The following PRKCB variants were observed in gnomAD, a reference collection of about 807,000 sequenced individuals.
PRKCB encodes the protein protein kinase C beta.
In PRKCB, 13 loss-of-function variants were observed where a neutral mutation model predicts 81.5. That is an observed-to-expected ratio of 0.16 (90% CI 0.10 to 0.25). The LOEUF (loss-of-function observed/expected upper bound fraction) is 0.25, where lower values mean the gene tolerates loss of function less well. PRKCB is among the 10% of genes least tolerant of loss of function. The pLI, the probability that PRKCB is intolerant of heterozygous loss-of-function variation, is 1.00. For missense variants in PRKCB, 509 were observed against 875.7 expected (o/e 0.58, Z 5.29); for synonymous variants, 335 against 321.4 (o/e 1.04, Z -0.45).
intron 2 of PRKCB, among the ~76,000 whole-genome samples, chr16:23,869,938 C>T (rs1597218540): frequency 6.6e-6 from 1 of 151,542 alleles, no homozygotes; most frequent in African/African-American, 2.4e-5. Context: ...AGGAGAATCG[C>T]TTAAACCTGG....
rs1377838409 is a variant in PRKCB, at chr16:24,217,274, G to T, written c.*2458G>T. On this transcript the variant is annotated 3_prime_UTR_variant, in exon 17 of 17. Transcript: ENST00000643927. ...ATAGTTTGCAGAAATAGATACTCAA[G>T]CCAAAGTCTGTTTTAGAGAAACTTT... is the stretch of plus-strand genomic sequence containing the variant. The T allele has an allele frequency of 5.1e-6, 5 of 985,262 alleles. No individual in the cohort carries two copies. In the South Asian group the frequency reaches 2.3e-4, roughly 46 times the overall value. The allele number at this position is 985,262 out of a possible 1,614,324, so 61.0% of individuals were successfully genotyped here. A position where few individuals can be genotyped will look rare whatever the true frequency, so the allele number is the denominator to read the frequency against.
chr16:23,954,235 C>T (rs539567684), intron 2 of PRKCB, among the ~76,000 whole-genome samples: 1 of 152,044 alleles, frequency 6.6e-6, no homozygotes, highest in Admixed American at 6.5e-5. Context: ...AGGCATGAGA[C>T]ACCACGCCTG....
intron 6 of PRKCB, among the ~76,000 whole-genome samples, chr16:24,093,158 T>C (rs550961132): frequency 6.6e-4 from 100 of 152,200 alleles, no homozygotes; most frequent in Admixed American, 2.7e-3. Context: ...TTAGAGCTAT[T>C]TTTTTAATAG....
chr16:24,079,760 C>T (rs1193719385), intron 5 of PRKCB, among the ~76,000 whole-genome samples: 1 of 152,132 alleles, frequency 6.6e-6, no homozygotes, highest in African/African-American at 2.4e-5. Flanking sequence ...TTGGTACTTT[C>T]AGAACAATGT....
At chr16:23,977,539 A>G (rs1964641487) in intron 2 of PRKCB, among the ~76,000 whole-genome samples, 1 of 152,150 alleles carries the variant, frequency 6.6e-6, no homozygotes, top group South Asian at 2.1e-4. Flanking sequence ...GATCTAGATA[A>G]AAAAAGAAAA....
intron 2 of PRKCB, among the ~76,000 whole-genome samples, chr16:23,982,113 T>TTTCCCTTCCTC (rs1567333953): frequency 6.0e-5 from 2 of 33,470 alleles, no homozygotes; most frequent in African/African-American, 1.4e-4. Flanking sequence ...TTCCCTTCCC[T>TTTCCCTTCCTC]TTCCCTTCCC....
rs1052187985 is a variant in PRKCB at position 24,217,761 on chromosome 16, G to A, written c.*2945G>A. ...GCGAAATAGGGTTGATGAGACCAGG[G>A]GAGACCTAAAAAAAAGGCAGCTTTG... On this transcript the variant is annotated 3_prime_UTR_variant, in exon 17 of 17. Transcript: ENST00000643927. The A allele has an allele frequency of 1.0e-6, 1 of 985,348 alleles. No homozygotes were observed. Among genetic ancestry groups the A allele is most frequent in the Non-Finnish European group, 1.2e-6 (1 of 829,922 alleles). 61.0% of individuals were successfully genotyped at this position (985,348 alleles called of 1,614,324 possible).
At chr16:23,852,055 G>A (rs1194654638) in intron 2 of PRKCB, among the ~76,000 whole-genome samples, 1 of 152,112 alleles carries the variant, frequency 6.6e-6, no homozygotes, top group Non-Finnish European at 1.5e-5. Context: ...AAATCACCTT[G>A]TCAACAAATA....
At chr16:24,029,128 G>A (rs1399298694) in intron 3 of PRKCB, among the ~76,000 whole-genome samples, 1 of 152,184 alleles carries the variant, frequency 6.6e-6, no homozygotes, top group African/African-American at 2.4e-5. Context: ...GGATTCCTGG[G>A]TCCTAGGAGA....
intron 7 of PRKCB, among the ~76,000 whole-genome samples, chr16:24,096,667 ATATATATATATATATATATAT>A (rs1241963066): frequency 5.6e-5 from 1 of 17,808 alleles, no homozygotes; most frequent in Non-Finnish European, 1.6e-4. Flanking sequence ...AAAAAAAAAA[ATATATATATATATATATATAT>A]ATATATATAT....
chr16:23,836,147 C>T lies in PRKCB; in HGVS notation c.-29C>T, dbSNP rs1962149200. On this transcript the variant is annotated 5_prime_UTR_variant, in exon 1 of 17. Coordinates refer to ENST00000643927, the MANE Select transcript of PRKCB (RefSeq NM_002738.7). ...GGTCCCGCGGCCCCGGGGCCGGCAC[C>T]TCTCGGGCTCCGGCTCCCCGCGCGC... 2.1e-6 allele frequency: 3 copies of T among 1,431,494 alleles called. No individual in the cohort carries two copies. The highest frequency in any genetic ancestry group is 3.1e-5 in the Admixed American group (1 of 32,780). The allele number at this position is 1,431,494 out of a possible 1,614,324, so 88.7% of individuals were successfully genotyped here. A position where few individuals can be genotyped will look rare whatever the true frequency, so the allele number is the denominator to read the frequency against.
intron 10 of PRKCB, among the ~76,000 whole-genome samples, chr16:24,169,423 T>G (rs992518731): frequency 2.0e-5 from 3 of 152,140 alleles, no homozygotes; most frequent in African/African-American, 7.2e-5. Context: ...TGTGTTAGCC[T>G]ACGTGACCTT....
intron 5 of PRKCB, among the ~76,000 whole-genome samples, chr16:24,052,781 C>G (rs1482672856): frequency 6.6e-6 from 1 of 152,206 alleles, no homozygotes; most frequent in East Asian, 1.9e-4. Flanking sequence ...TGACCTACTT[C>G]TTTAACACAA....
intron 9 of PRKCB, among the ~76,000 whole-genome samples, chr16:24,132,972 C>T (rs1966855702): frequency 6.6e-6 from 1 of 152,054 alleles, no homozygotes; most frequent in Non-Finnish European, 1.5e-5. Context: ...TTGCTTGAAA[C>T]TTAACATGTA....
At chr16:24,169,553 C>T (rs967777992) in intron 10 of PRKCB, among the ~76,000 whole-genome samples, 7 of 152,096 alleles carry the variant, frequency 4.6e-5, no homozygotes, top group South Asian at 2.1e-4. Context: ...CCTGTTTCTC[C>T]GCCTGGTAAG....
At chr16:24,182,299 G>A (rs753432200) in intron 13 of PRKCB, among the ~76,000 whole-genome samples, 12 of 152,018 alleles carry the variant, frequency 7.9e-5, no homozygotes, top group Non-Finnish European at 1.5e-4. Context: ...CAAGAAGATC[G>A]CTTGAGGGTA....
intron 2 of PRKCB, among the ~76,000 whole-genome samples, chr16:23,946,806 T>C (rs530334005): frequency 2.9e-3 from 442 of 152,114 alleles, no homozygotes; most frequent in Non-Finnish European, 5.4e-3. Context: ...CAGATGGTGC[T>C]GATTCTGCTA....
chr16:24,193,331 G>C (rs1967822477), intron 16 of PRKCB, among the ~76,000 whole-genome samples: 1 of 151,792 alleles, frequency 6.6e-6, no homozygotes, highest in Admixed American at 6.6e-5. Context: ...TATAATCCCA[G>C]CTATTTGTGA....
chr16:23,965,952 T>C (rs937300789), intron 2 of PRKCB, among the ~76,000 whole-genome samples: 4 of 152,230 alleles, frequency 2.6e-5, no homozygotes, highest in African/African-American at 9.7e-5. Context: ...TTGAATGATC[T>C]CTCTCTTGGC....
Sources: gnomAD v4.1 joint callset for allele counts (sites outside exome capture counted in the v4.1 genomes callset) on GRCh38, gnomAD v4.1.1 for gene constraint, MANE v1.5 for transcripts, NCBI Gene and HGNC (gene_info 2026-07-23, HGNC 2026-07-21) for gene names.